Variants in PPFIBP1 observed in about 807,000 individuals in gnomAD.
PPFIBP1 encodes the protein PPFIB scaffold protein 1.
Under a neutral mutation model 137.8 loss-of-function variants are expected in PPFIBP1, and 112 were observed. The ratio of observed to expected loss-of-function variants is 0.81; its 90% CI spans 0.70 to 0.95. The LOEUF (loss-of-function observed/expected upper bound fraction) is 0.95, where lower values mean the gene tolerates loss of function less well. Among genes scored for constraint, PPFIBP1 ranks in the 40% least tolerant of loss-of-function variants. The pLI is 0.00. For missense variants in PPFIBP1, 1,083 were observed against 1,196.6 expected, an observed-to-expected ratio of 0.91 and a Z score of 1.40; for synonymous variants, 378 against 417.3, an observed-to-expected ratio of 0.91 and a Z score of 1.15.
chr12:27,660,022 A>G (rs767126187), intron 10 of PPFIBP1, among the ~76,000 whole-genome samples: 4 of 150,778 alleles, frequency 2.7e-5, no homozygotes, highest in African/African-American at 7.3e-5. Context: ...TCCTGTTTGA[A>G]TTTTTTAGTT....
chr12:27,524,921 G>A (rs905399307), intron 1 of PPFIBP1, among the ~76,000 whole-genome samples: 1 of 152,054 alleles, frequency 6.6e-6, no homozygotes, highest in Non-Finnish European at 1.5e-5. Context: ...ATGAGCTTGC[G>A]GGAAAACTCG....
intron 1 of PPFIBP1, among the ~76,000 whole-genome samples, chr12:27,560,516 T>C (rs752409694): frequency 6.6e-6 from 1 of 152,224 alleles, no homozygotes; most frequent in Non-Finnish European, 1.5e-5. Flanking sequence ...TTGTAAATTA[T>C]TGGCATATTT....
chr12:27,538,205 C>CT (rs1386525312), intron 1 of PPFIBP1: 1 of 152,292 alleles, frequency 6.6e-6, no homozygotes, highest in Admixed American at 6.5e-5. Flanking sequence ...AACCTCTCCT[C>CT]TTTCCTCCAG....
At chr12:27,635,573 G>T in intron 4 of PPFIBP1, 1 of 183,496 alleles carries the variant, frequency 5.4e-6, no homozygotes, top group Non-Finnish European at 1.2e-5. Flanking sequence ...GTGGTTTATG[G>T]CAATCATTTC....
intron 13 of PPFIBP1, among the ~76,000 whole-genome samples, chr12:27,670,786 A>AT (rs60342009): frequency 0.97 from 134,527 of 138,922 alleles, 65,165 homozygotes; most frequent in South Asian, 0.98. Flanking sequence ...CTCAAAAAAA[A>AT]AAAAAAAAAA....
chr12:27,533,896 G>A (rs534498786), intron 1 of PPFIBP1, among the ~76,000 whole-genome samples: 29 of 152,294 alleles, frequency 1.9e-4, no homozygotes, highest in African/African-American at 7.0e-4. Context: ...CACAACGTAA[G>A]TGAACTAATC....
intron 2 of PPFIBP1, among the ~76,000 whole-genome samples, chr12:27,606,369 T>C (rs1291037754): frequency 1.3e-5 from 2 of 152,202 alleles, no homozygotes; most frequent in African/African-American, 4.8e-5. Flanking sequence ...AAGAGAAGGT[T>C]GTCGGGGAGT....
intron 2 of PPFIBP1, chr12:27,599,536 T>G (rs1045440706): frequency 4.4e-6 from 2 of 454,960 alleles, no homozygotes; most frequent in African/African-American, 4.0e-5. Context: ...CCTCCTGCCT[T>G]CCTTCCTTCC....
intron 2 of PPFIBP1, among the ~76,000 whole-genome samples, chr12:27,607,917 G>GT (rs2054698064): frequency 9.9e-6 from 1 of 101,050 alleles, no homozygotes; most frequent in South Asian, 4.1e-4. Flanking sequence ...CTATAAATCA[G>GT]TTTTTTTCTT....
Position 27,689,029 on chromosome 12 carries a change from T to C in PPFIBP1, c.2511T>C (p.Arg837=). 6.2e-7 allele frequency: 1 copy of C among 1,613,302 alleles called. No individual in the cohort carries two copies. Among genetic ancestry groups the C allele is most frequent in the Non-Finnish European group, 8.5e-7 (1 of 1,179,794 alleles). The change falls in exon 27 of 30, where the codon CGT becomes CGC. Residue 837 remains arginine, a synonymous_variant. Transcript: ENST00000228425. ...TCTTTAAACAGGTTCTAGAGCCTCG[T>C]TTTAACGTAGAAACAATGGCTCAGT... ...VHGGLMVLEP[R]FNVETMAQLL...
At chr12:27,637,747 A>G (rs2057787582) in intron 4 of PPFIBP1, among the ~76,000 whole-genome samples, 1 of 152,182 alleles carries the variant, frequency 6.6e-6, no homozygotes, top group Admixed American at 6.5e-5. Context: ...TTAAGTTGTC[A>G]CCACACACCT....
chr12:27,642,430 A>G (rs1409304214), intron 4 of PPFIBP1, among the ~76,000 whole-genome samples: 2 of 152,248 alleles, frequency 1.3e-5, no homozygotes, highest in African/African-American at 4.8e-5. Context: ...TTATACTTAA[A>G]TACATTTTAA....
At chr12:27,602,667 T>G (rs568442693) in intron 2 of PPFIBP1, among the ~76,000 whole-genome samples, 1 of 152,342 alleles carries the variant, frequency 6.6e-6, no homozygotes, top group East Asian at 1.9e-4. Context: ...GTAACAACCC[T>G]CTGGTATTCA....
chr12:27,617,822 C>T (rs1489535481), intron 2 of PPFIBP1, among the ~76,000 whole-genome samples: 4 of 152,078 alleles, frequency 2.6e-5, no homozygotes, highest in Admixed American at 2.6e-4. Flanking sequence ...TAAATTTATT[C>T]ATGTCACTTT....
intron 25 of PPFIBP1, 59 bp downstream of exon 25, chr12:27,687,566 G>C: frequency 6.5e-7 from 1 of 1,545,874 alleles, no homozygotes; most frequent in South Asian, 1.2e-5. Flanking sequence ...GACTGTCCAT[G>C]TGTCGAAACT....
At chr12:27,630,511 A>G (rs1964315) in intron 2 of PPFIBP1, among the ~76,000 whole-genome samples, 48,266 of 151,984 alleles carry the variant, frequency 0.32, 8,267 homozygotes, top group Middle Eastern at 0.39. Context: ...CTTTATATTT[A>G]AAGTCTCTAT....
Position 27,613,898 on chromosome 12 carries a change from G to C in PPFIBP1, c.-35-19464G>C, listed in dbSNP as rs145502392. Among the ~76,000 whole-genome samples the C allele has an allele frequency of 3.4e-4, 52 of 152,060 alleles. No individual in the cohort carries two copies. The East Asian group carries it at 0.01, about 29-fold the overall frequency. ...CAAATAGCTCCCATTTCCATCGTTT[G>C]GGAAGACAATGACCTTGCCTTCCCC... On this transcript the variant is annotated intron_variant, in intron 2 of 29. Coordinates refer to ENST00000228425, the MANE Select transcript of PPFIBP1 (RefSeq NM_003622.4).
At chr12:27,624,415 A>G (rs2056627446) in intron 2 of PPFIBP1, among the ~76,000 whole-genome samples, 2 of 152,238 alleles carry the variant, frequency 1.3e-5, no homozygotes, top group South Asian at 4.1e-4. Context: ...CTGACATTTA[A>G]TACACATCAG....
intron 2 of PPFIBP1, chr12:27,584,264 A>T (rs575243907): frequency 6.6e-6 from 1 of 152,432 alleles, no homozygotes; most frequent in South Asian, 2.1e-4. Context: ...AACACCAGGC[A>T]GCGCTTCCAC....
Sources: gnomAD v4.1 joint callset for allele counts (sites outside exome capture counted in the v4.1 genomes callset) on GRCh38, gnomAD v4.1.1 for gene constraint, MANE v1.5 for transcripts, NCBI Gene and HGNC (gene_info 2026-07-23, HGNC 2026-07-21) for gene names.